Variants in SAMD13 observed in about 807,000 individuals in gnomAD.
SAMD13 encodes sterile alpha motif domain containing 13.
In SAMD13, 9 loss-of-function variants were observed where a neutral mutation model predicts 12.4. The observed-to-expected ratio is 0.72, with a 90% CI of 0.44 to 1.26. The LOEUF is 1.26. Among genes scored for constraint, SAMD13 ranks in the 50% most tolerant of loss-of-function variants. SAMD13 has a pLI of 0.00. For missense variants in SAMD13, 84 were observed against 119.6 expected, an observed-to-expected ratio of 0.70 and a Z score of 1.39; for synonymous variants, 46 against 45.4, an observed-to-expected ratio of 1.01 and a Z score of -0.05.
intron 3 of SAMD13, among the ~76,000 whole-genome samples, chr1:84,343,858 ATTTAAATTTAAAT>A (rs1679477503): frequency 6.6e-6 from 1 of 152,144 alleles, no homozygotes; most frequent in Non-Finnish European, 1.5e-5. Context: ...TTAAAATAAA[ATTTAAATTTAAAT>A]TAAAAAAAAT....
At chr1:84,317,511 G>T (rs1678860619) in intron 2 of SAMD13, among the ~76,000 whole-genome samples, 1 of 151,854 alleles carries the variant, frequency 6.6e-6, no homozygotes, top group Non-Finnish European at 1.5e-5. Context: ...CACATTAATT[G>T]ATTTTCATAT....
intron 3 of SAMD13, among the ~76,000 whole-genome samples, chr1:84,337,668 T>G (rs1024323502): frequency 1.4e-4 from 22 of 152,226 alleles, no homozygotes; most frequent in Admixed American, 3.3e-4. Context: ...CCCCATTGTC[T>G]TAGGGATTAA....
chr1:84,328,358 A>G (rs898782985), intron 3 of SAMD13, among the ~76,000 whole-genome samples: 6 of 152,176 alleles, frequency 3.9e-5, no homozygotes, highest in Non-Finnish European at 8.8e-5. Flanking sequence ...ACTATGTTCA[A>G]CCTGCCAACT....
intron 3 of SAMD13, among the ~76,000 whole-genome samples, chr1:84,330,748 T>G (rs1679161516): frequency 6.6e-6 from 1 of 152,174 alleles, no homozygotes; most frequent in Admixed American, 6.5e-5. Flanking sequence ...ACTCACATAC[T>G]TAGAATATAT....
chr1:84,306,625 C>G (rs1678577974), intron 2 of SAMD13, among the ~76,000 whole-genome samples: 1 of 135,322 alleles, frequency 7.4e-6, no homozygotes, highest in African/African-American at 2.8e-5. Context: ...ATGTGAAACC[C>G]CATCTCTACT....
At chr1:84,335,532 ACT>A (rs1048551924) in intron 3 of SAMD13, among the ~76,000 whole-genome samples, 13 of 151,862 alleles carry the variant, frequency 8.6e-5, no homozygotes, top group Admixed American at 7.2e-4. Context: ...TGAGACATTT[ACT>A]CTGTTTCCAT....
At chr1:84,329,835 C>T (rs1305184898) in intron 3 of SAMD13, among the ~76,000 whole-genome samples, 1 of 152,184 alleles carries the variant, frequency 6.6e-6, no homozygotes, top group Non-Finnish European at 1.5e-5. Context: ...ATGTTTTGGA[C>T]AGTGATGTCG....
chr1:84,301,724 T>C lies in SAMD13; in HGVS notation c.-110T>C, dbSNP rs1678457650. On this transcript the variant is annotated 5_prime_UTR_variant, in exon 1 of 4. Coordinates refer to ENST00000394834, the MANE Select transcript of SAMD13 (RefSeq NM_001134663.2). ...TATTGAATTCCTTTGCCAGCCTACT[T>C]TGTGAAAGAAAACATTGGGGTTTCT... 5.1e-6 allele frequency: 5 copies of C among 985,294 alleles called. No homozygotes were observed. Among genetic ancestry groups the C allele is most frequent in the Non-Finnish European group, 1.2e-6 (1 of 829,924 alleles). 61.0% of individuals were successfully genotyped at this position (985,294 alleles called of 1,614,324 possible). A position where few individuals can be genotyped will look rare whatever the true frequency, so the allele number is the denominator to read the frequency against.
chr1:84,315,557 T>C (rs1397735000), intron 2 of SAMD13, among the ~76,000 whole-genome samples: 1 of 152,168 alleles, frequency 6.6e-6, no homozygotes, highest in Non-Finnish European at 1.5e-5. Flanking sequence ...TCCCAAGTAG[T>C]TGGAATTATT....
chr1:84,309,635 T>A (rs1203806845), intron 2 of SAMD13, among the ~76,000 whole-genome samples: 2 of 152,168 alleles, frequency 1.3e-5, no homozygotes, highest in Non-Finnish European at 2.9e-5. Flanking sequence ...CTTGAACACA[T>A]TCTGAAATGG....
chr1:84,343,642 G>A (rs1436954670), intron 3 of SAMD13, among the ~76,000 whole-genome samples: 1 of 152,132 alleles, frequency 6.6e-6, no homozygotes, highest in African/African-American at 2.4e-5. Flanking sequence ...CTTGTAAGTG[G>A]GAGCTGAAGA....
chr1:84,334,365 G>A (rs1035406253), intron 3 of SAMD13, among the ~76,000 whole-genome samples: 1 of 151,958 alleles, frequency 6.6e-6, no homozygotes, highest in Non-Finnish European at 1.5e-5. Flanking sequence ...GTCTCTGAGG[G>A]TTTTTTAAAA....
At chr1:84,332,587 T>C (rs182127439) in intron 3 of SAMD13, among the ~76,000 whole-genome samples, 119 of 152,300 alleles carry the variant, frequency 7.8e-4, no homozygotes, top group Non-Finnish European at 1.4e-3. Flanking sequence ...TTGTTTGTTT[T>C]CTTGCTTGTT....
intron 2 of SAMD13, among the ~76,000 whole-genome samples, chr1:84,322,987 G>C (rs1678978260): frequency 6.6e-6 from 1 of 152,026 alleles, no homozygotes; most frequent in African/African-American, 2.4e-5. Context: ...TTAGGTTTGG[G>C]GGTACATGTG....
chr1:84,322,946 C>T (rs917439892), intron 2 of SAMD13, among the ~76,000 whole-genome samples: 1 of 152,212 alleles, frequency 6.6e-6, no homozygotes, highest in Middle Eastern at 3.4e-3. Flanking sequence ...TTTGTTATTA[C>T]AATTGAATAT....
At chr1:84,311,194 G>A (rs1678701429) in intron 2 of SAMD13, among the ~76,000 whole-genome samples, 1 of 151,966 alleles carries the variant, frequency 6.6e-6, no homozygotes, top group Admixed American at 6.6e-5. Context: ...AAATTATCCA[G>A]GCATGGTAGT....
At chr1:84,318,344 C>T (rs919229167) in intron 2 of SAMD13, among the ~76,000 whole-genome samples, 2 of 151,950 alleles carry the variant, frequency 1.3e-5, no homozygotes, top group Admixed American at 1.3e-4. Context: ...TTTCCACTTT[C>T]ACTTTTGATT....
intron 2 of SAMD13, among the ~76,000 whole-genome samples, chr1:84,315,712 A>C (rs1311402246): frequency 6.6e-6 from 1 of 152,170 alleles, no homozygotes; most frequent in Non-Finnish European, 1.5e-5. Context: ...TCCTGATTTC[A>C]ATTCCTTTGG....
chr1:84,344,633 C>A, intron 3 of SAMD13: 2 of 298,052 alleles, frequency 6.7e-6, no homozygotes, highest in Non-Finnish European at 1.3e-5. Context: ...GAAATTCTTC[C>A]AAAAATAAAC....
Sources: allele counts gnomAD v4.1 joint callset (sites outside exome capture counted in the v4.1 genomes callset), GRCh38; gene constraint gnomAD v4.1.1; transcripts MANE v1.5; gene names NCBI Gene and HGNC (gene_info 2026-07-23, HGNC 2026-07-21).